Variants in TFIP11 observed in about 807,000 individuals in gnomAD.
TFIP11 encodes tuftelin-interacting protein 11.
A neutral mutation model predicts 96.8 loss-of-function variants in TFIP11; 86 were observed. The observed-to-expected ratio is 0.89, with a 90% CI of 0.75 to 1.06. The LOEUF (loss-of-function observed/expected upper bound fraction) is 1.06, where lower values mean the gene tolerates loss of function less well. Ranked by LOEUF, TFIP11 falls within the 50% of genes least tolerant of loss-of-function variation. The pLI, the probability that TFIP11 is intolerant of heterozygous loss-of-function variation, is 0.00. For missense variants in TFIP11, 881 were observed against 1,076.7 expected, an observed-to-expected ratio of 0.82 and a Z score of 2.54; for synonymous variants, 405 against 395.2, an observed-to-expected ratio of 1.02 and a Z score of -0.29.
In TFIP11 at chr22:26,501,805, A is replaced by C. The variant is rs1041000035; in HGVS notation, c.801+95T>G. The stretch of plus-strand genomic sequence containing the variant: ...GGTACCAAAAAAAAAAAAAAAAAAA[A>C]AAGCCTAGCTAAAAGATCCAAAAAA... On this transcript the variant is annotated intron_variant, in intron 8 of 14. Transcript: ENST00000407690. 9 of 798,144 alleles carry C rather than the reference A, an allele frequency of 1.1e-5. No individual in the cohort carries two copies. The African/African-American group carries it at 1.6e-4, about 14-fold the overall frequency. 49.4% of individuals were successfully genotyped at this position (798,144 alleles called of 1,614,324 possible). A position where few individuals can be genotyped will look rare whatever the true frequency, so the allele number is the denominator to read the frequency against.
In TFIP11 at chr22:26,498,954, T is replaced by C; in HGVS notation, c.1351A>G (p.Ile451Val). The change falls in exon 10 of 15, where the codon ATC becomes GTC. Residue 451 changes from isoleucine to valine, a missense_variant. Coordinates refer to ENST00000407690, the MANE Select transcript of TFIP11 (RefSeq NM_012143.4). ...AGGAGGCTTTTCCACTTAGAGATGA[T>C]CTCGGTGCCATAAGTGCAGTCCTGA... ...PLKDCTYGTE[I>V]ISKWKSLLEN... 1 of 1,613,904 alleles carries C rather than the reference T, an allele frequency of 6.2e-7. No homozygotes were observed. The highest frequency in any genetic ancestry group is 8.5e-7 in the Non-Finnish European group (1 of 1,179,976).
intron 12 of TFIP11, 46 bp downstream of exon 12, chr22:26,496,027 G>C: frequency 6.3e-7 from 1 of 1,594,346 alleles, no homozygotes; most frequent in Non-Finnish European, 8.6e-7. Flanking sequence ...CAGAAACCAG[G>C]GCACCAAAGC....
rs113203306 is a variant in TFIP11 at position 26,506,869 on chromosome 22, G to C, written c.269C>G (p.Ala90Gly). ...FISAGLKKGA[A>G]EEAELEDSDD... ...AGAATCTTCCAACTCTGCCTCCTCC[G>C]CTGCCCCTTTCTTGAGCCCTGCGCT... The change falls in exon 5 of 15, where the codon GCG (alanine) becomes GGG (glycine). Residue 90 changes from alanine to glycine, a missense_variant. Transcript: ENST00000407690. The C allele has an allele frequency of 6.2e-7, 1 of 1,613,924 alleles. No individual in the cohort carries two copies. Among genetic ancestry groups the C allele is most frequent in the South Asian group, 1.1e-5 (1 of 91,084 alleles).
intron 4 of TFIP11, among the ~76,000 whole-genome samples, chr22:26,508,673 C>T (rs969640811): frequency 3.3e-5 from 5 of 152,006 alleles, no homozygotes; most frequent in Admixed American, 3.3e-4. Flanking sequence ...GGTGAAACCC[C>T]GTCTCTACTA....
chr22:26,499,470 C>A lies in TFIP11; in HGVS notation c.963G>T (p.Glu321Asp), dbSNP rs1922495887. ...GGTCGATGAGCAGCTGCAGGTTGTG[C>A]TCCAGCTCGGGCAGCGCGAAGCCGG... ...KAPGFALPEL[E>D]HNLQLLIDLT... The change falls in exon 9 of 15, where the codon GAG becomes GAT. Residue 321 changes from glutamate to aspartate, a missense_variant. Coordinates refer to ENST00000407690, the MANE Select transcript of TFIP11 (RefSeq NM_012143.4). The A allele has an allele frequency of 1.9e-6, 3 of 1,614,208 alleles. No homozygotes were observed. Among genetic ancestry groups the A allele is most frequent in the Non-Finnish European group, 2.5e-6 (3 of 1,180,050 alleles).
chr22:26,499,341 G>A lies in TFIP11; in HGVS notation c.1092C>T (p.Asp364=). 2 of 1,614,136 alleles carry A rather than the reference G, an allele frequency of 1.2e-6. No homozygotes were observed. Among genetic ancestry groups the A allele is most frequent in the South Asian group, 1.1e-5 (1 of 91,082 alleles). The part of the protein sequence containing the change: ...HELEKMTEVL[D]HEERVISNLS... ...GGTTCGAGATGACCCGCTCCTCGTGGTCCAGGACCTCGGTCATCTTCTCCA... is the reference window on the plus strand; with the variant it reads ...GGTTCGAGATGACCCGCTCCTCGTGATCCAGGACCTCGGTCATCTTCTCCA... Residue 364 remains aspartate, a synonymous_variant, in exon 9 of 15, where the codon GAC becomes GAT. Transcript: ENST00000407690.
chr22:26,497,341 C>T (rs75825172), intron 10 of TFIP11, among the ~76,000 whole-genome samples: 3,200 of 152,260 alleles, frequency 0.021, 101 homozygotes, highest in African/African-American at 0.074. Flanking sequence ...TTGTTCACTA[C>T]CTTACTTCCC....
intron 6 of TFIP11, among the ~76,000 whole-genome samples, chr22:26,505,712 T>C (rs1452973677): frequency 9.2e-6 from 1 of 108,302 alleles, no homozygotes; most frequent in Non-Finnish European, 1.9e-5. Flanking sequence ...ATTTATTTAT[T>C]TATTTATTTA....
intron 10 of TFIP11, among the ~76,000 whole-genome samples, chr22:26,498,074 G>A (rs1922283884): frequency 6.6e-6 from 1 of 152,190 alleles, no homozygotes; most frequent in Admixed American, 6.5e-5. Flanking sequence ...TTCGCAGCAA[G>A]TTGGTTGGAA....
In TFIP11 at chr22:26,491,816, A is replaced by G. The variant is rs1014398963; in HGVS notation, c.*197T>C. 9 of 920,238 alleles carry G rather than the reference A, an allele frequency of 9.8e-6. No individual in the cohort carries two copies. In the African/African-American group the frequency reaches 1.3e-4, roughly 14 times the overall value. 57.0% of individuals were successfully genotyped at this position (920,238 alleles called of 1,614,324 possible). A position where few individuals can be genotyped will look rare whatever the true frequency, so the allele number is the denominator to read the frequency against. On this transcript the variant is annotated 3_prime_UTR_variant, in exon 15 of 15. Transcript: ENST00000407690. ...TGTCCTGTTTTGAGGACGATACCCC[A>G]CATGAGGACTTGGTATAAAGATTCC...
chr22:26,497,930 T>C (rs1209910097), intron 10 of TFIP11, among the ~76,000 whole-genome samples: 1 of 151,098 alleles, frequency 6.6e-6, no homozygotes, highest in African/African-American at 2.4e-5. Flanking sequence ...CACACAAATT[T>C]ACAGCAGCAC....
intron 4 of TFIP11, among the ~76,000 whole-genome samples, chr22:26,507,261 T>C (rs1923535866): frequency 6.6e-6 from 1 of 152,196 alleles, no homozygotes; most frequent in Admixed American, 6.5e-5. Context: ...GCAATTGTTT[T>C]GAAAACTATT....
At position 26,491,515 on chromosome 22, in the gene TFIP11, A is replaced by G. The variant is rs1569153171; in HGVS notation, c.*498T>C. On this transcript the variant is annotated 3_prime_UTR_variant, in exon 15 of 15. Coordinates refer to ENST00000407690, the MANE Select transcript of TFIP11 (RefSeq NM_012143.4). Reference sequence around the variant, plus strand: ...TTTCCTCAGACTTCACAATACATGGACATATTTAATGATACCTCTGTCCAC... The same window carrying G: ...TTTCCTCAGACTTCACAATACATGGGCATATTTAATGATACCTCTGTCCAC... 6.2e-7 allele frequency: 1 copy of G among 1,614,132 alleles called. No homozygotes were observed. Among genetic ancestry groups the G allele is most frequent in the Non-Finnish European group, 8.5e-7 (1 of 1,180,002 alleles).
chr22:26,498,186 T>TA (rs757461345), intron 10 of TFIP11, among the ~76,000 whole-genome samples: 14 of 152,138 alleles, frequency 9.2e-5, no homozygotes, highest in Admixed American at 2.0e-4. Context: ...TGCAAAGGCA[T>TA]AAGAATGACA....
intron 8 of TFIP11, among the ~76,000 whole-genome samples, chr22:26,500,298 TAGC>T (rs1393395649): frequency 1.3e-5 from 2 of 151,942 alleles, no homozygotes; most frequent in Non-Finnish European, 2.9e-5. Flanking sequence ...GCCTCCCAAG[TAGC>T]TGGGACTACA....
At chr22:26,500,149 TAAC>T (rs2147133602) in intron 8 of TFIP11, among the ~76,000 whole-genome samples, 1 of 152,340 alleles carries the variant, frequency 6.6e-6, no homozygotes, top group East Asian at 1.9e-4. Context: ...TGCTGTGTAA[TAAC>T]AAAGTTTTTT....
chr22:26,506,799 A>T lies in TFIP11; in HGVS notation c.339T>A (p.Asp113Glu), dbSNP rs771546969. Reference sequence around the variant, plus strand: ...CCGTTTTTAGCTTCCTTGGTCCAAAATCCTTAGGAAAGTCGTCCTGCTTAA... The same window carrying T: ...CCGTTTTTAGCTTCCTTGGTCCAAATTCCTTAGGAAAGTCGTCCTGCTTAA... ...KPVKQDDFPKDFGPRKLKTGG... is the reference protein window; with the variant it reads ...KPVKQDDFPKEFGPRKLKTGG... Residue 113 changes from aspartate (D) to glutamate (E), a missense_variant, in exon 5 of 15, where the codon GAT (aspartate) becomes GAA (glutamate). Physicochemically the swap from Asp to Glu is conservative, Grantham distance 45. Coordinates refer to ENST00000407690, the MANE Select transcript of TFIP11 (RefSeq NM_012143.4). The T allele has an allele frequency of 1.2e-6, 2 of 1,614,182 alleles. No individual in the cohort carries two copies. The highest frequency in any genetic ancestry group is 1.7e-5 in the Admixed American group (1 of 60,010).
chr22:26,494,327 G>C (rs1453914272), intron 13 of TFIP11, 23 bp from the exon 14 acceptor site: 1 of 1,614,124 alleles, frequency 6.2e-7, no homozygotes, highest in East Asian at 2.2e-5. Flanking sequence ...AAAATTACTT[G>C]CATCCATCGT....
intron 10 of TFIP11, chr22:26,498,606 A>C: frequency 2.7e-6 from 1 of 365,930 alleles, no homozygotes; most frequent in Non-Finnish European, 5.0e-6. Context: ...AGATGGGTAC[A>C]CCAAAATCTC....
Sources: allele counts gnomAD v4.1 joint callset (sites outside exome capture counted in the v4.1 genomes callset), GRCh38; gene constraint gnomAD v4.1.1; transcripts MANE v1.5; gene names NCBI Gene and HGNC (gene_info 2026-07-23, HGNC 2026-07-21).